ITFG2: variants seen among roughly 807,000 people sequenced by gnomAD.
ITFG2 encodes the protein KICSTOR complex protein ITFG2.
ITFG2 carries 36 observed loss-of-function variants against 54.4 expected under a neutral mutation model. That is an observed-to-expected ratio of 0.66 (90% CI 0.51 to 0.87). The LOEUF (loss-of-function observed/expected upper bound fraction) is 0.87. ITFG2 is among the 40% of genes least tolerant of loss of function. The pLI, the probability that ITFG2 is intolerant of heterozygous loss-of-function variation, is 0.00. For missense variants in ITFG2, 524 were observed against 576.7 expected (o/e 0.91, Z 0.94); for synonymous variants, 211 against 225.4 (o/e 0.94, Z 0.57).
At chr12:2,820,322 TG>T in intron 5 of ITFG2, 97 bp downstream of exon 5, 1 of 1,391,858 alleles carries the variant, frequency 7.2e-7, no homozygotes. Flanking sequence ...AGGGCCAGGG[TG>T]GGGAGAAGTG....
downstream of ITFG2, chr12:2,828,277 A>G: frequency 6.8e-7 from 1 of 1,468,542 alleles, no homozygotes; most frequent in Non-Finnish European, 9.5e-7. Context: ...GAATATTTTC[A>G]TCACCCCAAA....
downstream of ITFG2, chr12:2,826,763 T>G (rs200857180): frequency 2.1e-5 from 4 of 191,938 alleles, no homozygotes; most frequent in African/African-American, 2.4e-5. Flanking sequence ...GGCATGGCGG[T>G]CTAGTTGTGG....
upstream of ITFG2, among the ~76,000 whole-genome samples, chr12:2,836,095 T>C (rs2098026948): frequency 6.6e-6 from 1 of 152,234 alleles, no homozygotes; most frequent in South Asian, 2.1e-4. Flanking sequence ...ACACATCTCC[T>C]GGGGCACCTA....
intron 1 of ITFG2, among the ~76,000 whole-genome samples, chr12:2,839,344 A>G (rs528943374): frequency 5.8e-4 from 88 of 152,308 alleles, no homozygotes; most frequent in African/African-American, 2.0e-3. Context: ...GTCTCTAATA[A>G]TGAGACAGAG....
chr12:2,826,758 G>C (rs1603483661), downstream of ITFG2: 1 of 201,248 alleles, frequency 5.0e-6, no homozygotes, highest in South Asian at 8.0e-5. Context: ...GGTGAGGCAT[G>C]GCGGTCTAGT....
At chr12:2,844,121 G>A (rs1235758257) in intron 2 of ITFG2, among the ~76,000 whole-genome samples, 1 of 150,004 alleles carries the variant, frequency 6.7e-6, no homozygotes, top group East Asian at 2.1e-4. Context: ...AGCCAGGCAT[G>A]GTGGCACACG....
chr12:2,813,944 A>AT (rs2097915508), intron 1 of ITFG2, among the ~76,000 whole-genome samples: 1 of 152,010 alleles, frequency 6.6e-6, no homozygotes, highest in African/African-American at 2.4e-5. Context: ...AATTTTTAAA[A>AT]TTTTTTTGTT....
downstream of ITFG2, among the ~76,000 whole-genome samples, chr12:2,829,648 T>C (rs2097989928): frequency 6.6e-6 from 1 of 151,990 alleles, no homozygotes. Context: ...ACACTTGTAA[T>C]TTTAGCTACT....
Position 2,822,847 on chromosome 12 carries a change from C to A in ITFG2, c.1002C>A (p.Ile334=), listed in dbSNP as rs975986157. The A allele has an allele frequency of 5.0e-6, 8 of 1,614,176 alleles. No homozygotes were observed. The highest frequency in any genetic ancestry group is 1.6e-4 in the Middle Eastern group (1 of 6,062). ...GCGCCTGGGATGGACAGACATATATCATTGATCACAACCGCACCGTCGTCC... is the reference window on the plus strand; with the variant it reads ...GCGCCTGGGATGGACAGACATATATAATTGATCACAACCGCACCGTCGTCC... ...VACAWDGQTY[I]IDHNRTVVRF... The change falls in exon 10 of 12, where the codon ATC becomes ATA. Residue 334 remains isoleucine (I), a synonymous_variant. Coordinates refer to ENST00000228799, the MANE Select transcript of ITFG2 (RefSeq NM_018463.4).
chr12:2,858,584 C>T, intron 3 of ITFG2: 1 of 1,521,386 alleles, frequency 6.6e-7, no homozygotes, highest in Non-Finnish European at 9.0e-7. Context: ...GTGCACTGAG[C>T]CTTGGAGTGC....
chr12:2,859,212 G>A, intron 3 of ITFG2: 2 of 1,612,432 alleles, frequency 1.2e-6, no homozygotes, highest in Non-Finnish European at 1.7e-6. Flanking sequence ...CGGGAGCTCT[G>A]CGGCCCAGCG....
intron 1 of ITFG2, among the ~76,000 whole-genome samples, chr12:2,840,157 A>G (rs1391225384): frequency 6.6e-6 from 1 of 152,064 alleles, no homozygotes; most frequent in African/African-American, 2.4e-5. Flanking sequence ...GGAAGGTTCA[A>G]TATAAAGATG....
chr12:2,841,348 C>T (rs2098040654), intron 2 of ITFG2, among the ~76,000 whole-genome samples: 1 of 152,174 alleles, frequency 6.6e-6, no homozygotes, highest in African/African-American at 2.4e-5. Context: ...CGCCAGAGGG[C>T]TCTGGTGTTT....
At chr12:2,828,750 G>A (rs941468503), downstream of ITFG2, among the ~76,000 whole-genome samples, 1 of 152,182 alleles carries the variant, frequency 6.6e-6, no homozygotes, top group Non-Finnish European at 1.5e-5. Flanking sequence ...GCTGAGGCAG[G>A]AGAATCGCTT....
intron 2 of ITFG2, chr12:2,856,854 G>A (rs1009887255): frequency 4.4e-5 from 30 of 687,200 alleles, no homozygotes; most frequent in Admixed American, 2.3e-4. Flanking sequence ...GTATGGGCCA[G>A]GCAGTCTGCT....
At chr12:2,858,325 A>G in exon 3 of ITFG2, 1 of 346,044 alleles carries the variant, frequency 2.9e-6, no homozygotes, top group Non-Finnish European at 5.3e-6. Flanking sequence ...TGCAAAGATC[A>G]GGGAAGGTAA....
chr12:2,844,861 A>G (rs577871938), intron 2 of ITFG2, among the ~76,000 whole-genome samples: 3 of 152,328 alleles, frequency 2.0e-5, no homozygotes, highest in South Asian at 4.1e-4. Context: ...CCCAGTAAAC[A>G]TAAGTGTGGT....
In ITFG2 at chr12:2,847,949, G is replaced by C. The variant is rs533323034; in HGVS notation, n.300+6954G>C. ...TTATTATTTTTATTCTATGAACACTGATTGACAGCTTCATTTCTGGAGGGC... is the reference window on the plus strand; with the variant it reads ...TTATTATTTTTATTCTATGAACACTCATTGACAGCTTCATTTCTGGAGGGC... On this transcript the variant is annotated intron_variant and non_coding_transcript_variant, in intron 2 of 3. Transcript: ENST00000537710. Among the ~76,000 whole-genome samples the C allele has an allele frequency of 7.9e-5, 12 of 152,272 alleles. No individual in the cohort carries two copies. The South Asian group carries it at 2.5e-3, about 32-fold the overall frequency.
At chr12:2,815,778 C>T (rs2097919920) in intron 1 of ITFG2, among the ~76,000 whole-genome samples, 1 of 152,212 alleles carries the variant, frequency 6.6e-6, no homozygotes, top group Non-Finnish European at 1.5e-5. Flanking sequence ...AGCCTCAATT[C>T]CTGTAACCTC....
Sources: allele counts gnomAD v4.1 joint callset (sites outside exome capture counted in the v4.1 genomes callset), GRCh38; gene constraint gnomAD v4.1.1; transcripts MANE v1.5; gene names NCBI Gene and HGNC (gene_info 2026-07-23, HGNC 2026-07-21).